Variants in COL2A1 observed in about 807,000 individuals in gnomAD.
The protein encoded by COL2A1 is collagen alpha-1(II) chain.
In COL2A1, 28 loss-of-function variants were observed where a neutral mutation model predicts 204.5. The ratio of observed to expected loss-of-function variants is 0.14; its 90% CI spans 0.10 to 0.19. The LOEUF (loss-of-function observed/expected upper bound fraction) is 0.19, where lower values mean the gene tolerates loss of function less well. Among genes scored for constraint, COL2A1 ranks in the 10% least tolerant of loss-of-function variants. COL2A1 has a pLI of 1.00. For synonymous variants in COL2A1, 708 were observed against 718.7 expected (o/e 0.99, Z 0.24); for missense variants, 1,388 against 2,027.5 (o/e 0.68, Z 6.06).
rs985187766 is a variant in COL2A1 at position 47,981,787 on chromosome 12, T to G, written c.2398A>C (p.Asn800His). The change falls in exon 36 of 54, where the codon AAT becomes CAT. Residue 800 changes from asparagine (N) to histidine (H), a missense_variant. Asn to His is a moderately conservative substitution (Grantham distance 68). Coordinates refer to ENST00000380518, the MANE Select transcript of COL2A1 (RefSeq NM_001844.5). ...PIGPPGPAGA[N>H]GEKGEVGPPG... ...GAGCCGGGACTCACCTTCTCGCCAT[T>G]AGCACCAGCTGGGCCAGGGGGGCCA... 6.4e-7 allele frequency: 1 copy of G among 1,554,194 alleles called. No individual in the cohort carries two copies. Among genetic ancestry groups the G allele is most frequent in the African/African-American group, 1.4e-5 (1 of 73,240 alleles).
Position 47,990,771 on chromosome 12 carries a change from T to C in COL2A1, c.1024-966A>G, listed in dbSNP as rs138375492. ...GGACTTGGAGGGGGAGGGTTTTTTC[T>C]GCCAAGTTTGTGGTGGCACCCCTCA... is the stretch of plus-strand genomic sequence containing the variant. On this transcript the variant is annotated intron_variant, in intron 16 of 53. Coordinates refer to ENST00000380518, the MANE Select transcript of COL2A1 (RefSeq NM_001844.5). Among the ~76,000 whole-genome samples, 11 of 152,336 alleles carry C rather than the reference T, an allele frequency of 7.2e-5. No individual in the cohort carries two copies. The East Asian group carries it at 2.1e-3, about 29-fold the overall frequency.
Position 47,985,671 on chromosome 12 carries a change from C to T in COL2A1, c.1680+57G>A, listed in dbSNP as rs1298656099. The T allele has an allele frequency of 5.6e-6, 9 of 1,610,438 alleles. No homozygotes were observed. The East Asian group carries it at 2.0e-4, about 36-fold the overall frequency. On this transcript the variant is annotated intron_variant, in intron 25 of 53. Transcript: ENST00000380518. ...CTGGCAGTGCAGGGCTGGAAGGAGC[C>T]AGCCAGGAAGGGCCTGAGGGTCTGA...
chr12:47,975,685 T>G, intron 50 of COL2A1, 80 bp from the exon 51 acceptor site: 1 of 1,480,930 alleles, frequency 6.8e-7, no homozygotes. Flanking sequence ...TAGAATGTAC[T>G]AGAGTGTCCC....
Position 47,977,525 on chromosome 12 carries a change from C to T in COL2A1, c.3165+75G>A. 1.9e-6 allele frequency: 3 copies of T among 1,599,700 alleles called. No homozygotes were observed. The Admixed American group carries it at 5.0e-5, about 27-fold the overall frequency. Reference sequence around the variant, plus strand: ...TGAGATGAGACTTGTTCCAACCTGCCACCCCCAGCTGACCTGTCAGGCCCG... The same window carrying T: ...TGAGATGAGACTTGTTCCAACCTGCTACCCCCAGCTGACCTGTCAGGCCCG... On this transcript the variant is annotated intron_variant, in intron 45 of 53. Transcript: ENST00000380518.
At position 47,978,611 on chromosome 12, in the gene COL2A1, C is replaced by T; in HGVS notation, c.2881G>A (p.Asp961Asn). The change falls in exon 42 of 54, where the codon GAT becomes AAT. Residue 961 changes from aspartate (D) to asparagine (N), a missense_variant. Physicochemically the swap from Asp to Asn is conservative, Grantham distance 23. Transcript: ENST00000380518. The surrounding 1 kb of genome is among the most constrained non-coding windows in gnomAD (Gnocchi z 5.5). ...GPPGEKGEPGDDGPSGAEGPP... is the reference protein window; with the variant it reads ...GPPGEKGEPGNDGPSGAEGPP... ...GAGGGACTTACAGAGGGACCGTCAT[C>T]TCCAGGCTCTCCCTTCTCGCCAGGG... 1 of 1,613,554 alleles carries T rather than the reference C, an allele frequency of 6.2e-7. No homozygotes were observed. The highest frequency in any genetic ancestry group is 1.1e-5 in the South Asian group (1 of 91,078).
chr12:47,976,444 C>G lies in COL2A1; in HGVS notation c.3489+70G>C. On this transcript the variant is annotated intron_variant, in intron 49 of 53. Coordinates refer to ENST00000380518, the MANE Select transcript of COL2A1 (RefSeq NM_001844.5). This position sits in a 1 kb window ranked among gnomAD's most constrained non-coding sequence, Gnocchi z 4.3. ...GCTTCCCCAGAAGCAGCAGCATTTC[C>G]CTCCCCATGGGAACACAGGCCCACA... 1 of 1,541,588 alleles carries G rather than the reference C, an allele frequency of 6.5e-7. No individual in the cohort carries two copies. Among genetic ancestry groups the G allele is most frequent in the Non-Finnish European group, 9.0e-7 (1 of 1,114,556 alleles).
chr12:48,000,014 T>C lies in COL2A1; in HGVS notation c.197A>G (p.Asp66Gly). Residue 66 changes from aspartate (D) to glycine (G), a missense_variant, in exon 2 of 54, where the codon GAC (aspartate) becomes GGC (glycine). Asp to Gly is a moderately conservative substitution (Grantham distance 94, BLOSUM62 -1). Around this residue, in one of 3 missense-constraint regions of COL2A1, gnomAD observed 201 missense variants for 242.4 expected, o/e 0.83. Transcript: ENST00000380518. ...VCDTGTVLCD[D>G]IICEDVKDCL... ...GTCTTTCACGTCTTCACAGATTATG[T>C]CGTCGCAGAGGACAGTCCCAGTGTC... 1 of 1,614,152 alleles carries C rather than the reference T, an allele frequency of 6.2e-7. No individual in the cohort carries two copies.
At chr12:47,986,472 G>A (rs1189162099) in intron 22 of COL2A1, 29 bp from the exon 23 acceptor site, 3 of 1,431,280 alleles carry the variant, frequency 2.1e-6, no homozygotes, top group Non-Finnish European at 2.9e-6. Context: ...GAGAAACAGA[G>A]TGAGCCTTCA....
intron 16 of COL2A1, among the ~76,000 whole-genome samples, chr12:47,991,379 G>A (rs1185206660): frequency 6.6e-6 from 1 of 152,190 alleles, no homozygotes; most frequent in Non-Finnish European, 1.5e-5. Flanking sequence ...CCAGTCTCCA[G>A]GCCAGCCTTG....
rs41272789 is a variant in COL2A1, at chr12:48,001,969, G to T, written c.86-1844C>A. On this transcript the variant is annotated intron_variant, in intron 1 of 53. Coordinates refer to ENST00000380518, the MANE Select transcript of COL2A1 (RefSeq NM_001844.5). ...CTGTTTTGCTTCACCGCCGCTCTGC[G>T]CAGGGCTGGAGCCGAGAGGTGGCGG... 3.3e-5 allele frequency among the ~76,000 whole-genome samples: 5 copies of T among 152,188 alleles called. No individual in the cohort carries two copies. The East Asian group carries it at 7.8e-4, about 24-fold the overall frequency.
rs1034762 is a variant in COL2A1, at chr12:47,995,860, A to C, written c.654+15T>G. On this transcript the variant is annotated intron_variant, in intron 9 of 53. Transcript: ENST00000380518. ...CTGCGACACGATGGAGGCAAAAAGA[A>C]TTGCAGATACTTACAGGAGCACCTG... 0.81 allele frequency: 1,305,946 copies of C among 1,611,240 alleles called. 536,402 individuals carry two copies. Among genetic ancestry groups the C allele is most frequent in the Non-Finnish European group, 0.85 (1,003,055 of 1,177,586 alleles).
rs1357880942 is a variant in COL2A1, at chr12:47,980,829, T to A, written c.2517+86A>T. 1.3e-5 allele frequency: 20 copies of A among 1,494,862 alleles called. No homozygotes were observed. Among genetic ancestry groups the A allele is most frequent in the Non-Finnish European group, 1.7e-5 (19 of 1,095,586 alleles). 92.6% of individuals were successfully genotyped at this position (1,494,862 alleles called of 1,614,324 possible). A position where few individuals can be genotyped will look rare whatever the true frequency, so the allele number is the denominator to read the frequency against. ...GAGAGGAGAGGAGCATCCATTTCCC[T>A]CCCTGACAAGCTCCGATGCCCGAGG... On this transcript the variant is annotated intron_variant, in intron 38 of 53. Transcript: ENST00000380518. This position sits in a 1 kb window ranked among gnomAD's most constrained non-coding sequence, Gnocchi z 4.5.
chr12:47,983,323 T>C lies in COL2A1; in HGVS notation c.2049+62A>G, dbSNP rs748237242. On this transcript the variant is annotated intron_variant, in intron 31 of 53. Transcript: ENST00000380518. The stretch of plus-strand genomic sequence containing the variant: ...CTCATGCCCTCTTGCCCTTGCCTCC[T>C]AGGCATCAGAAAAGACCTTCCCATC... 4 of 1,577,676 alleles carry C rather than the reference T, an allele frequency of 2.5e-6. No homozygotes were observed. The Admixed American group carries it at 5.0e-5, about 20-fold the overall frequency.
intron 10 of COL2A1, 90 bp from the exon 11 acceptor site, chr12:47,995,398 C>T: frequency 8.8e-7 from 1 of 1,139,710 alleles, no homozygotes; most frequent in Non-Finnish European, 1.3e-6. Context: ...GTTTTGGAAG[C>T]CAGTTCTTCT....
At position 47,993,306 on chromosome 12, in the gene COL2A1, C is replaced by G; in HGVS notation, c.969+152G>C. 3 of 721,454 alleles carry G rather than the reference C, an allele frequency of 4.2e-6. No homozygotes were observed. The South Asian group carries it at 4.5e-5, about 11-fold the overall frequency. 44.7% of individuals were successfully genotyped at this position (721,454 alleles called of 1,614,324 possible). ...AAGGAAATGTTGGTGAAATCTTGAA[C>G]AAATCATCTGTCTAATACATTTTGC... is the stretch of plus-strand genomic sequence containing the variant. On this transcript the variant is annotated intron_variant, in intron 15 of 53. Transcript: ENST00000380518.
chr12:47,996,700 T>C, intron 7 of COL2A1, 75 bp from the exon 8 acceptor site: 4 of 1,152,414 alleles, frequency 3.5e-6, no homozygotes. Context: ...AAGCTCTATA[T>C]GGATACAAAG....
At position 47,989,747 on chromosome 12, in the gene COL2A1, T is replaced by C; in HGVS notation, c.1068+14A>G. On this transcript the variant is annotated intron_variant, in intron 17 of 53. Transcript: ENST00000380518. ...CACAGCAACAATGACCTGCTGAGGA[T>C]GAAATGAACTTACCGGAGGCCCTGC... is the stretch of plus-strand genomic sequence containing the variant. 4 of 1,612,872 alleles carry C rather than the reference T, an allele frequency of 2.5e-6. No homozygotes were observed. Among genetic ancestry groups the C allele is most frequent in the Non-Finnish European group, 3.4e-6 (4 of 1,179,314 alleles).
At position 47,981,233 on chromosome 12, in the gene COL2A1, C is replaced by CCTG. The variant is rs560535614; in HGVS notation, c.2463+107_2463+109dup. ...CCAGCGGGTAGGGAGGGAGCCAGTG[C>CCTG]CTGGCAGCACACAGGGCCACCAGGC... On this transcript the variant is annotated intron_variant, in intron 37 of 53. Transcript: ENST00000380518. 7.2e-5 allele frequency: 90 copies of CCTG among 1,253,890 alleles called. No homozygotes were observed. In the South Asian group the frequency reaches 8.7e-4, roughly 12 times the overall value. The allele number at this position is 1,253,890 out of a possible 1,614,324, so 77.7% of individuals were successfully genotyped here. A position where few individuals can be genotyped will look rare whatever the true frequency, so the allele number is the denominator to read the frequency against.
In COL2A1 at chr12:47,973,209, C is replaced by T. The variant is rs1485220442; in HGVS notation, c.*198G>A. ...GGAAGACAATAAATAAATAGAACAC[C>T]GAGATTTTATTTTGCAGTCTGCCCA... On this transcript the variant is annotated 3_prime_UTR_variant, in exon 54 of 54. Coordinates refer to ENST00000380518, the MANE Select transcript of COL2A1 (RefSeq NM_001844.5). 10 of 691,334 alleles carry T rather than the reference C, an allele frequency of 1.4e-5. No individual in the cohort carries two copies. The highest frequency in any genetic ancestry group is 5.0e-5 in the South Asian group (3 of 60,176). 42.8% of individuals were successfully genotyped at this position (691,334 alleles called of 1,614,324 possible).
Sources: allele counts gnomAD v4.1 joint callset (sites outside exome capture counted in the v4.1 genomes callset), GRCh38; gene constraint gnomAD v4.1.1; regional missense constraint gnomAD v4.1.1; non-coding constraint Gnocchi (gnomAD v3.1); transcripts MANE v1.5; gene names NCBI Gene and HGNC (gene_info 2026-07-23, HGNC 2026-07-21).